ENDOU: variants seen among roughly 807,000 people sequenced by gnomAD.
ENDOU encodes uridylate-specific endoribonuclease.
A neutral mutation model predicts 54.2 loss-of-function variants in ENDOU; 49 were observed. The observed-to-expected ratio is 0.90, with a 90% CI of 0.72 to 1.15. ENDOU has a LOEUF of 1.15. ENDOU is among the 50% of genes most tolerant of loss of function. The pLI, the probability that ENDOU is intolerant of heterozygous loss-of-function variation, is 0.00. For missense variants in ENDOU, 458 were observed against 511.4 expected (o/e 0.90, Z 1.01); for synonymous variants, 172 against 190.5 (o/e 0.90, Z 0.80).
At chr12:47,723,553 C>T (rs756022583) in intron 1 of ENDOU, among the ~76,000 whole-genome samples, 24 of 152,266 alleles carry the variant, frequency 1.6e-4, no homozygotes, top group Non-Finnish European at 2.9e-4. Context: ...TTTCCTCTCT[C>T]GGGTTCAGAT....
chr12:47,725,232 G>C (rs533493973), intron 1 of ENDOU, 127 bp downstream of exon 1: 1 of 1,042,814 alleles, frequency 9.6e-7, no homozygotes, highest in Admixed American at 1.8e-5. Context: ...GTGCTCTGCG[G>C]CTTTAGGACA....
In ENDOU at chr12:47,722,200, G is replaced by C. The variant is rs186722060; in HGVS notation, c.56-1325C>G. On this transcript the variant is annotated intron_variant, in intron 1 of 9. Transcript: ENST00000422538. ...CTTAATTTAAGCCTGGAGTGGGTTA[G>C]AGCTTAAATATTAGAGGTTGGGTTT... 1.5e-3 allele frequency among the ~76,000 whole-genome samples: 234 copies of C among 152,252 alleles called. 2 individuals are homozygous for C. Among genetic ancestry groups the C allele is most frequent in the African/African-American group, 5.3e-3 (219 of 41,542 alleles).
chr12:47,713,750 G>A (rs56212589), intron 6 of ENDOU, among the ~76,000 whole-genome samples: 5 of 146,284 alleles, frequency 3.4e-5, no homozygotes, highest in Non-Finnish European at 7.5e-5. Context: ...CGGGGGGGGG[G>A]GGTCTTCTAG....
Position 47,710,742 on chromosome 12 carries a change from G to C in ENDOU, c.*60C>G, listed in dbSNP as rs200602311. 5.0e-4 allele frequency: 571 copies of C among 1,140,566 alleles called. No homozygotes were observed. Among genetic ancestry groups the C allele is most frequent in the Non-Finnish European group, 7.3e-4 (546 of 748,122 alleles). 70.7% of individuals were successfully genotyped at this position (1,140,566 alleles called of 1,614,324 possible). ...TCCTCTCCCTCTTCTCTCTAGTCCA[G>C]AGAAGATAGCACTTCAGTCTCGCAA... On this transcript the variant is annotated 3_prime_UTR_variant, in exon 10 of 10. Transcript: ENST00000422538.
At chr12:47,715,788 C>G (rs536174114) in intron 6 of ENDOU, among the ~76,000 whole-genome samples, 1 of 152,214 alleles carries the variant, frequency 6.6e-6, no homozygotes, top group Admixed American at 6.5e-5. Context: ...CAACTCTTCC[C>G]GATAGGACTT....
intron 6 of ENDOU, among the ~76,000 whole-genome samples, chr12:47,713,741 G>GGC (rs1491385870): frequency 8.7e-5 from 2 of 23,096 alleles, no homozygotes; most frequent in African/African-American, 3.0e-4. Flanking sequence ...ATAAGTTGGC[G>GGC]GGGGGGGGGG....
rs552039530 is a variant in ENDOU, at chr12:47,716,973, G to C, written c.468C>G (p.Ala156=). ...TATTGAGAACGATGTCTTCCTTCTG[G>C]GCTTTGTTGGTGTCTGCCCTGTAGA... ...EKIYRADTNK[A]QKEDIVLNSQ... Residue 156 remains alanine, a synonymous_variant, in exon 5 of 10, where the codon GCC becomes GCG. Transcript: ENST00000422538. 1 of 1,614,096 alleles carries C rather than the reference G, an allele frequency of 6.2e-7. No individual in the cohort carries two copies. Among genetic ancestry groups the C allele is most frequent in the Non-Finnish European group, 8.5e-7 (1 of 1,179,974 alleles).
At chr12:47,723,930 T>G (rs1940510717) in intron 1 of ENDOU, among the ~76,000 whole-genome samples, 1 of 152,196 alleles carries the variant, frequency 6.6e-6, no homozygotes, top group Non-Finnish European at 1.5e-5. Flanking sequence ...TTCATATTCT[T>G]GCCTCTCAGT....
At position 47,710,520 on chromosome 12, in the gene ENDOU, G is replaced by C. The variant is rs1017244305; in HGVS notation, c.*282C>G. The C allele has an allele frequency of 6.5e-6, 2 of 308,054 alleles. No homozygotes were observed. Among genetic ancestry groups the C allele is most frequent in the African/African-American group, 4.3e-5 (2 of 46,394 alleles). 19.1% of individuals were successfully genotyped at this position (308,054 alleles called of 1,614,324 possible). On this transcript the variant is annotated 3_prime_UTR_variant, in exon 10 of 10. Coordinates refer to ENST00000422538, the MANE Select transcript of ENDOU (RefSeq NM_001172439.2). ...TCTTCCTAGTTCCCCCACACATCAG[G>C]GCAGAGAGCTATGGAGGGTTCCTAC... is the stretch of plus-strand genomic sequence containing the variant.
chr12:47,716,646 A>T (rs1239116712), intron 5 of ENDOU, 147 bp from the exon 6 acceptor site: 7 of 750,300 alleles, frequency 9.3e-6, no homozygotes, highest in Middle Eastern at 3.9e-4. Context: ...AAAGTCACAC[A>T]TCAGGTCACT....
intron 4 of ENDOU, 99 bp from the exon 5 acceptor site, chr12:47,717,157 G>T: frequency 1.0e-6 from 1 of 998,466 alleles, no homozygotes. Context: ...CCTTCAAGAA[G>T]CCAGCAAGGA....
rs907684690 is a variant in ENDOU, at chr12:47,709,897, T to C, written c.*905A>G. On this transcript the variant is annotated 3_prime_UTR_variant, in exon 10 of 10. Coordinates refer to ENST00000422538, the MANE Select transcript of ENDOU (RefSeq NM_001172439.2). ...CAGTCTCTCTGGTCTCGTAGAGTTA[T>C]TCAAATTATGGCTGCTGGATAAGGC... The C allele has an allele frequency of 2.0e-5, 3 of 152,340 alleles. No individual in the cohort carries two copies. Among genetic ancestry groups the C allele is most frequent in the East Asian group, 3.9e-4 (2 of 5,188 alleles). 9.4% of individuals were successfully genotyped at this position (152,340 alleles called of 1,614,324 possible).
chr12:47,716,922 C>T lies in ENDOU; in HGVS notation c.519G>A (p.Glu173=), dbSNP rs1424887486. The T allele has an allele frequency of 6.2e-7, 1 of 1,614,200 alleles. No homozygotes were observed. Among genetic ancestry groups the T allele is most frequent in the African/African-American group, 1.3e-5 (1 of 75,052 alleles). The change falls in exon 5 of 10, where the codon GAG becomes GAA. Residue 173 remains glutamate (E), a synonymous_variant. Transcript: ENST00000422538. ...GGCAGCGATCCACTTGGTTTCTGGT[C>T]TCTGACGGGGAGATGCAGTTTTGGC... ...LNSQNCISPS[E]TRNQVDRCPK...
intron 6 of ENDOU, among the ~76,000 whole-genome samples, chr12:47,714,038 G>T (rs1322413376): frequency 6.6e-6 from 1 of 152,176 alleles, no homozygotes; most frequent in African/African-American, 2.4e-5. Context: ...CAGGCAAATA[G>T]AAATAAAACA....
Position 47,713,292 on chromosome 12 carries a change from A to C in ENDOU, c.848T>G (p.Phe283Cys), listed in dbSNP as rs1209573960. The C allele has an allele frequency of 6.2e-7, 1 of 1,611,982 alleles. No homozygotes were observed. Residue 283 changes from phenylalanine (F) to cysteine (C), a missense_variant, in exon 7 of 10, where the codon TTT becomes TGT. By Grantham distance (205) the Phe-to-Cys change is radical. Transcript: ENST00000422538. ...GCTCCCACCTGAGAAGACATGTTCA[A>C]AGCCACTCGAGTCCCCCTCTTCATT... ...RGNEEGDSSG[F>C]EHVFSGEVKK...
rs138545744 is a variant in ENDOU at position 47,711,632 on chromosome 12, C to T, written c.1115+1G>A. On this transcript the variant is annotated splice_donor_variant, in intron 9 of 9. Transcript: ENST00000422538. LOFTEE classifies it high-confidence loss of function. ...CCAGGCCTGGCTGGCCCCATTCTTA[C>T]ACTTTGCCTGGCCTGGCGATGAAGC... 2.4e-5 allele frequency: 39 copies of T among 1,612,986 alleles called. No individual in the cohort carries two copies. The highest frequency in any genetic ancestry group is 3.4e-4 in the Middle Eastern group (2 of 5,942).
At chr12:47,718,987 T>A (rs2136683587) in intron 2 of ENDOU, among the ~76,000 whole-genome samples, 1 of 152,362 alleles carries the variant, frequency 6.6e-6, no homozygotes, top group South Asian at 2.1e-4. Context: ...TAGGTTATTC[T>A]TCAGTCAACA....
At position 47,720,843 on chromosome 12, in the gene ENDOU, C is replaced by G; in HGVS notation, c.88G>C (p.Glu30Gln). 6.5e-7 allele frequency: 1 copy of G among 1,536,116 alleles called. No homozygotes were observed. Among genetic ancestry groups the G allele is most frequent in the Non-Finnish European group, 8.7e-7 (1 of 1,146,910 alleles). The change falls in exon 2 of 10, where the codon GAG (glutamate) becomes CAG (glutamine). Residue 30 changes from glutamate to glutamine, a missense_variant. Coordinates refer to ENST00000422538, the MANE Select transcript of ENDOU (RefSeq NM_001172439.2). ...KIESCASRCNEKFNRDAACQC... is the reference protein window; with the variant it reads ...KIESCASRCNQKFNRDAACQC... ...CAGGCAGCGTCCCGGTTAAATTTCT[C>G]ATTACATCGAGATGCACAGGATTCT... is the stretch of plus-strand genomic sequence containing the variant.
In ENDOU at chr12:47,710,726, T is replaced by C. The variant is rs776300475; in HGVS notation, c.*76A>G. On this transcript the variant is annotated 3_prime_UTR_variant, in exon 10 of 10. Transcript: ENST00000422538. ...TGGTGATCCCTTCCAGTCCTCTCCCTCTTCTCTCTAGTCCAGAGAAGATAG... is the reference window on the plus strand; with the variant it reads ...TGGTGATCCCTTCCAGTCCTCTCCCCCTTCTCTCTAGTCCAGAGAAGATAG... 3.0e-6 allele frequency: 3 copies of C among 1,012,186 alleles called. No individual in the cohort carries two copies. The highest frequency in any genetic ancestry group is 1.6e-5 in the African/African-American group (1 of 63,590). 62.7% of individuals were successfully genotyped at this position (1,012,186 alleles called of 1,614,324 possible).
Sources: allele counts gnomAD v4.1 joint callset (sites outside exome capture counted in the v4.1 genomes callset), GRCh38; gene constraint gnomAD v4.1.1; transcripts MANE v1.5; gene names NCBI Gene and HGNC (gene_info 2026-07-23, HGNC 2026-07-21).